ZNF267: variants seen among roughly 807,000 people sequenced by gnomAD.
ZNF267 encodes the protein zinc finger (C2H2).
Under a neutral mutation model 71.6 loss-of-function variants are expected in ZNF267, and 61 were observed. That is an observed-to-expected ratio of 0.85 (90% CI 0.69 to 1.05). The LOEUF is 1.05. Among genes scored for constraint, ZNF267 ranks in the 50% least tolerant of loss-of-function variants. The pLI, the probability that ZNF267 is intolerant of heterozygous loss-of-function variation, is 0.00. For missense variants in ZNF267, 852 were observed against 870.0 expected, an observed-to-expected ratio of 0.98 and a Z score of 0.26; for synonymous variants, 288 against 293.2, an observed-to-expected ratio of 0.98 and a Z score of 0.18.
chr16:31,914,580 T>A lies in ZNF267; in HGVS notation c.331T>A (p.Leu111Ile), dbSNP rs2084158716. 1.2e-6 allele frequency: 2 copies of A among 1,614,100 alleles called. No individual in the cohort carries two copies. Among genetic ancestry groups the A allele is most frequent in the Non-Finnish European group, 8.5e-7 (1 of 1,180,014 alleles). ...ACATGGGAGCTGTGATCTTGAGAAT[T>A]TACATTTAAGAAAAAGGTGGAAAAG... ...RRHGSCDLENLHLRKRWKREE... is the reference protein window; with the variant it reads ...RRHGSCDLENIHLRKRWKREE... Residue 111 changes from leucine (L) to isoleucine (I), a missense_variant, in exon 4 of 4, where the codon TTA becomes ATA. By Grantham distance (5) the Leu-to-Ile change is conservative. Coordinates refer to ENST00000300870, the MANE Select transcript of ZNF267 (RefSeq NM_003414.6).
intron 3 of ZNF267, among the ~76,000 whole-genome samples, chr16:31,894,051 A>G (rs556710456): frequency 2.6e-5 from 4 of 152,350 alleles, no homozygotes; most frequent in South Asian, 2.1e-4. Context: ...AGCCAGGACC[A>G]TGATCAGCAA....
intron 3 of ZNF267, chr16:31,894,809 A>C (rs1010398867): frequency 2.0e-6 from 1 of 493,074 alleles, no homozygotes; most frequent in African/African-American, 2.0e-5. Context: ...CCCTGCATAC[A>C]TTGACTTCTT....
intron 3 of ZNF267, chr16:31,894,805 A>G (rs567422782): frequency 1.3e-4 from 62 of 495,788 alleles, no homozygotes; most frequent in Admixed American, 1.9e-4. Flanking sequence ...TGTTCCCTGC[A>G]TACATTGACT....
At chr16:31,908,149 A>G (rs2142358431) in intron 3 of ZNF267, among the ~76,000 whole-genome samples, 1 of 152,264 alleles carries the variant, frequency 6.6e-6, no homozygotes, top group Middle Eastern at 3.4e-3. Context: ...AACTTCAGAA[A>G]TTTATGCCTG....
intron 1 of ZNF267, among the ~76,000 whole-genome samples, chr16:31,881,632 AG>A (rs2083890334): frequency 6.6e-6 from 1 of 151,916 alleles, no homozygotes; most frequent in South Asian, 2.1e-4. Flanking sequence ...GTCAGTATAA[AG>A]ATATAAAGAG....
intron 3 of ZNF267, among the ~76,000 whole-genome samples, chr16:31,895,460 C>T (rs945461429): frequency 2.0e-5 from 3 of 152,134 alleles, no homozygotes; most frequent in Admixed American, 6.5e-5. Context: ...ACTCTGATTT[C>T]CTTTCTTTGG....
Position 31,914,764 on chromosome 16 carries a change from C to T in ZNF267, c.515C>T (p.Ser172Leu). The change falls in exon 4 of 4, where the codon TCA (serine) becomes TTA (leucine). Residue 172 changes from serine (S) to leucine (L), a missense_variant. Physicochemically the swap from Ser to Leu is moderately radical, Grantham distance 145. Transcript: ENST00000300870. ...FDQYRKVFTH[S>L]SLLNQQEEID... The stretch of plus-strand genomic sequence containing the variant: ...CAATATAGGAAGGTCTTTACTCATT[C>T]ATCATTGCTTAATCAACAAGAGGAA... 1 of 1,613,792 alleles carries T rather than the reference C, an allele frequency of 6.2e-7. No homozygotes were observed. Among genetic ancestry groups the T allele is most frequent in the Non-Finnish European group, 8.5e-7 (1 of 1,179,936 alleles).
chr16:31,898,957 A>T (rs2084019192), intron 3 of ZNF267, among the ~76,000 whole-genome samples: 3 of 152,164 alleles, frequency 2.0e-5, no homozygotes, highest in African/African-American at 7.2e-5. Context: ...ACATAATGGT[A>T]AAGGGATCAA....
At chr16:31,901,765 G>A (rs1198374098) in intron 3 of ZNF267, among the ~76,000 whole-genome samples, 2 of 152,166 alleles carry the variant, frequency 1.3e-5, no homozygotes, top group Non-Finnish European at 2.9e-5. Context: ...TCTGATGGTG[G>A]TTTCCTTTGC....
chr16:31,881,277 A>G (rs560259319), intron 1 of ZNF267, among the ~76,000 whole-genome samples: 10 of 152,296 alleles, frequency 6.6e-5, no homozygotes, highest in Non-Finnish European at 1.3e-4. Flanking sequence ...ATAAAGCAGC[A>G]ATGTAGAGAT....
intron 1 of ZNF267, among the ~76,000 whole-genome samples, chr16:31,879,631 C>T (rs769760812): frequency 4.3e-4 from 66 of 152,266 alleles, no homozygotes; most frequent in African/African-American, 1.4e-3. Context: ...CCCATTGCCC[C>T]GAAAATCTGC....
At chr16:31,874,794 G>T (rs1046383669) in intron 1 of ZNF267, among the ~76,000 whole-genome samples, 1 of 152,128 alleles carries the variant, frequency 6.6e-6, no homozygotes, top group Non-Finnish European at 1.5e-5. Context: ...CCACCACTGT[G>T]TTCCCCCAGT....
chr16:31,884,025 C>T (rs537705423), intron 1 of ZNF267, among the ~76,000 whole-genome samples: 12 of 152,124 alleles, frequency 7.9e-5, no homozygotes, highest in South Asian at 4.1e-4. Context: ...GGTGGCAGAG[C>T]GAGACCCTGT....
chr16:31,898,704 G>A (rs2084017521), intron 3 of ZNF267, among the ~76,000 whole-genome samples: 1 of 151,864 alleles, frequency 6.6e-6, no homozygotes, highest in Non-Finnish European at 1.5e-5. Flanking sequence ...CAAAAATCCT[G>A]CCTCTCTATG....
At chr16:31,882,080 A>G (rs1290484957) in intron 1 of ZNF267, among the ~76,000 whole-genome samples, 1 of 152,222 alleles carries the variant, frequency 6.6e-6, no homozygotes, top group Admixed American at 6.5e-5. Flanking sequence ...CTGAGCCATT[A>G]TCTAAATCCT....
chr16:31,915,897 TGTAAAG>T lies in ZNF267; in HGVS notation c.1649_1654del (p.Cys550_Glu552delinsTer). 1 of 1,613,880 alleles carries T rather than the reference TGTAAAG, an allele frequency of 6.2e-7. No individual in the cohort carries two copies. Among genetic ancestry groups the T allele is most frequent in the Non-Finnish European group, 8.5e-7 (1 of 1,179,988 alleles). Reference sequence around the variant, plus strand: ...TCATACTGGAGAGAAACCCTATAAATGTAAAGAATGTGGCAAAGCCTTTCCTTATAG... The same window carrying T: ...TCATACTGGAGAGAAACCCTATAAATAATGTGGCAAAGCCTTTCCTTATAG... On this transcript the variant is annotated stop_gained and inframe_deletion, in exon 4 of 4. Coordinates refer to ENST00000300870, the MANE Select transcript of ZNF267 (RefSeq NM_003414.6). LOFTEE classifies it high-confidence loss of function.
At chr16:31,877,867 A>G (rs2083863100) in intron 1 of ZNF267, among the ~76,000 whole-genome samples, 1 of 151,922 alleles carries the variant, frequency 6.6e-6, no homozygotes, top group South Asian at 2.1e-4. Flanking sequence ...GTTCTGAACT[A>G]TATCCTTATG....
intron 1 of ZNF267, among the ~76,000 whole-genome samples, chr16:31,879,880 C>A (rs1216678826): frequency 6.6e-6 from 1 of 152,162 alleles, no homozygotes; most frequent in Non-Finnish European, 1.5e-5. Flanking sequence ...TCCTCTTGCC[C>A]AAATGCCCAT....
chr16:31,887,571 A>ATAGTATAAGTAAAT (rs1284950611), intron 3 of ZNF267, among the ~76,000 whole-genome samples: 1 of 152,162 alleles, frequency 6.6e-6, no homozygotes, highest in Non-Finnish European at 1.5e-5. Context: ...ATTTTTGTAC[A>ATAGTATAAGTAAAT]TAGTATAAGT....
Sources: allele counts gnomAD v4.1 joint callset (sites outside exome capture counted in the v4.1 genomes callset), GRCh38; gene constraint gnomAD v4.1.1; transcripts MANE v1.5; gene names NCBI Gene and HGNC (gene_info 2026-07-23, HGNC 2026-07-21).